Variants in ZNF846 observed in about 807,000 individuals in gnomAD.
ZNF846 encodes zinc finger protein 420 pseudogene.
A neutral mutation model predicts 16.0 loss-of-function variants in ZNF846; 15 were observed. That is an observed-to-expected ratio of 0.94 (90% CI 0.63 to 1.45). The LOEUF is 1.45. ZNF846 is among the 40% of genes most tolerant of loss of function. ZNF846 has a pLI of 0.00. For missense variants in ZNF846, 714 were observed against 622.3 expected (o/e 1.15, Z -1.57); for synonymous variants, 229 against 212.0 (o/e 1.08, Z -0.70).
downstream of ZNF846, among the ~76,000 whole-genome samples, chr19:9,754,897 C>T (rs1026154920): frequency 1.3e-5 from 2 of 150,374 alleles, no homozygotes; most frequent in African/African-American, 5.0e-5. Flanking sequence ...TGGAGTATCA[C>T]TCTTGTTGCC....
upstream of ZNF846, among the ~76,000 whole-genome samples, chr19:9,769,459 G>A (rs1314173147): frequency 6.6e-6 from 1 of 151,968 alleles, no homozygotes; most frequent in Non-Finnish European, 1.5e-5. Flanking sequence ...TGGAACTCCT[G>A]GGCTCCAGTG....
At chr19:9,782,706 G>A (rs1265923627) in intron 1 of ZNF846, among the ~76,000 whole-genome samples, 1 of 152,190 alleles carries the variant, frequency 6.6e-6, no homozygotes, top group East Asian at 1.9e-4. Flanking sequence ...CTGAAACTTT[G>A]ATATGTGTCT....
intron 1 of ZNF846, among the ~76,000 whole-genome samples, chr19:9,774,288 GA>G (rs1189662734): frequency 1.3e-5 from 2 of 152,006 alleles, no homozygotes; most frequent in African/African-American, 4.8e-5. Context: ...CTAACACGAT[GA>G]AACCCAGTCT....
chr19:9,758,781 G>C lies in ZNF846; in HGVS notation c.313-17C>G. 6.6e-7 allele frequency: 1 copy of C among 1,513,034 alleles called. No homozygotes were observed. The highest frequency in any genetic ancestry group is 8.8e-7 in the Non-Finnish European group (1 of 1,130,850). The allele number at this position is 1,513,034 out of a possible 1,614,324, so 93.7% of individuals were successfully genotyped here. ...GCTTCTCTCCTGTTGAGATATAAAAGATGAATAAAGAATTTCTCACATTCA... is the reference window on the plus strand; with the variant it reads ...GCTTCTCTCCTGTTGAGATATAAAACATGAATAAAGAATTTCTCACATTCA... On this transcript the variant is annotated splice_polypyrimidine_tract_variant and intron_variant, in intron 5 of 5. Coordinates refer to ENST00000397902, the Ensembl canonical transcript of ZNF846.
chr19:9,775,024 G>A (rs966007676), intron 1 of ZNF846: 21 of 1,430,154 alleles, frequency 1.5e-5, no homozygotes, highest in Admixed American at 8.4e-5. Context: ...TCAGACACCC[G>A]GCAAAGCAGG....
chr19:9,778,881 C>T (rs2045473572), intron 1 of ZNF846, among the ~76,000 whole-genome samples: 1 of 150,542 alleles, frequency 6.6e-6, no homozygotes, highest in Non-Finnish European at 1.5e-5. Flanking sequence ...TGGGCTCAAT[C>T]CATCCTCCCA....
At chr19:9,758,521 T>C (rs776526011) in exon 6 of ZNF846, 3 of 1,613,518 alleles carry the variant, frequency 1.9e-6, no homozygotes, top group Non-Finnish European at 2.5e-6. Flanking sequence ...TTCTGCCTAG[T>C]AAGATTTGGA....
downstream of ZNF846, among the ~76,000 whole-genome samples, chr19:9,755,833 A>G (rs915318894): frequency 2.4e-5 from 3 of 124,658 alleles, no homozygotes; most frequent in East Asian, 2.3e-4. Flanking sequence ...AAAAAAAAAA[A>G]GTATTACCAG....
At chr19:9,780,906 T>C (rs2045495335) in intron 1 of ZNF846, among the ~76,000 whole-genome samples, 1 of 152,234 alleles carries the variant, frequency 6.6e-6, no homozygotes. Context: ...TTAAAAACAC[T>C]GATACCCATG....
chr19:9,784,390 A>C (rs2045537091), intron 1 of ZNF846, among the ~76,000 whole-genome samples: 1 of 152,238 alleles, frequency 6.6e-6, no homozygotes, highest in Non-Finnish European at 1.5e-5. Flanking sequence ...CATGTAGGCC[A>C]GATTTATGTT....
At chr19:9,773,233 G>A (rs1314053909), upstream of ZNF846, among the ~76,000 whole-genome samples, 1 of 152,062 alleles carries the variant, frequency 6.6e-6, no homozygotes, top group Non-Finnish European at 1.5e-5. Flanking sequence ...TTCCTATGTT[G>A]TGCAGGCTGG....
upstream of ZNF846, among the ~76,000 whole-genome samples, chr19:9,769,840 G>T (rs774373598): frequency 6.6e-6 from 1 of 152,022 alleles, no homozygotes; most frequent in Non-Finnish European, 1.5e-5. Context: ...AAATAGCCGG[G>T]TGTGGTGGTG....
chr19:9,781,799 A>G (rs1337566209), intron 1 of ZNF846, among the ~76,000 whole-genome samples: 2 of 142,730 alleles, frequency 1.4e-5, no homozygotes, highest in African/African-American at 2.6e-5. Context: ...TTTTTTTGAG[A>G]TGGAGTGTCG....
chr19:9,785,898 T>C (rs909087363), intron 1 of ZNF846: 4 of 125,836 alleles, frequency 3.2e-5, no homozygotes, highest in Non-Finnish European at 6.6e-5. Flanking sequence ...CGCCCCCGTC[T>C]GCCTCCCTCC....
rs942777222 is a variant in ZNF846 at position 9,780,043 on chromosome 19, ATTTTGTTTTTTT to A, written c.-86+5883_-86+5894del. On this transcript the variant is annotated intron_variant, in intron 1 of 4. Transcript: ENST00000586814. ...AAATGCATGCCACCATGCCCAGCTA[ATTTTGTTTTTTT>A]TTTTGTTTTTTTTTTTGTAGAGATG... is the stretch of plus-strand genomic sequence containing the variant. Among the ~76,000 whole-genome samples the A allele has an allele frequency of 2.5e-3, 308 of 124,940 alleles. 3 individuals carry two copies. The highest frequency in any genetic ancestry group is 8.1e-3 in the African/African-American group (228 of 28,144). The allele number at this position is 124,940 out of a possible 152,430, so 82.0% of individuals were successfully genotyped here. A position where few individuals can be genotyped will look rare whatever the true frequency, so the allele number is the denominator to read the frequency against.
chr19:9,778,803 CAAAAAAA>C (rs56001426), intron 1 of ZNF846, among the ~76,000 whole-genome samples: 6 of 51,368 alleles, frequency 1.2e-4, no homozygotes, highest in Non-Finnish European at 1.6e-4. Flanking sequence ...AAACTCGTCT[CAAAAAAA>C]AAAAAAAAAA....
intron 1 of ZNF846, among the ~76,000 whole-genome samples, chr19:9,779,066 A>G (rs954421493): frequency 6.6e-6 from 1 of 152,136 alleles, no homozygotes; most frequent in African/African-American, 2.4e-5. Flanking sequence ...CTCTGTGCAT[A>G]ATATTTTTCA....
chr19:9,761,640 G>A (rs2145218929), intron 4 of ZNF846, among the ~76,000 whole-genome samples: 1 of 152,020 alleles, frequency 6.6e-6, no homozygotes, highest in African/African-American at 2.4e-5. Context: ...GAACCCAGGA[G>A]GTGGAGGTTG....
chr19:9,776,824 A>T (rs1411780161), intron 1 of ZNF846, among the ~76,000 whole-genome samples: 1 of 152,164 alleles, frequency 6.6e-6, no homozygotes. Context: ...GTCACTACTC[A>T]GAATGGGAGG....
Sources: gnomAD v4.1 joint callset for allele counts (sites outside exome capture counted in the v4.1 genomes callset) on GRCh38, gnomAD v4.1.1 for gene constraint, MANE v1.5 for transcripts, NCBI Gene and HGNC (gene_info 2026-07-23, HGNC 2026-07-21) for gene names.